SEPTIN3: variants seen among roughly 807,000 people sequenced by gnomAD.
The protein encoded by SEPTIN3 is septin 3.
A neutral mutation model predicts 45.1 loss-of-function variants in SEPTIN3; 15 were observed. That is an observed-to-expected ratio of 0.33 (90% CI 0.22 to 0.51). The LOEUF (loss-of-function observed/expected upper bound fraction) is 0.51, where lower values mean the gene tolerates loss of function less well. Among genes scored for constraint, SEPTIN3 ranks in the 20% least tolerant of loss-of-function variants. The pLI, the probability that SEPTIN3 is intolerant of heterozygous loss-of-function variation, is 0.97. For missense variants in SEPTIN3, 289 were observed against 457.2 expected, an observed-to-expected ratio of 0.63 and a Z score of 3.35; for synonymous variants, 148 against 164.8, an observed-to-expected ratio of 0.90 and a Z score of 0.78.
At position 41,994,047 on chromosome 22, in the gene SEPTIN3, C is replaced by T. The variant is rs2078374302; in HGVS notation, c.2360-243C>T. On this transcript the variant is annotated intron_variant, in intron 9 of 11. Transcript: ENST00000644076. This position sits in a 1 kb window ranked among gnomAD's most constrained non-coding sequence, Gnocchi z 4.2. ...CTATAAAATGGTAAAAATTATAGTC[C>T]CTCTTGGCTATTATGCCACAGCGTC... is the stretch of plus-strand genomic sequence containing the variant. 6.6e-6 allele frequency among the ~76,000 whole-genome samples: 1 copy of T among 152,028 alleles called. No individual in the cohort carries two copies. The highest frequency in any genetic ancestry group is 6.6e-5 in the Admixed American group (1 of 15,248).
intron 2 of SEPTIN3, among the ~76,000 whole-genome samples, chr22:41,974,854 C>CA (rs1192415157): frequency 6.5e-5 from 2 of 30,816 alleles, no homozygotes; most frequent in African/African-American, 1.4e-4. Flanking sequence ...GACTCTGTCT[C>CA]AAAAAGAAAA....
At chr22:41,982,005 C>G (rs2078129228) in intron 3 of SEPTIN3, 169 bp downstream of exon 3, 6 of 651,720 alleles carry the variant, frequency 9.2e-6, no homozygotes, top group Non-Finnish European at 7.9e-6. Context: ...CCCCTTAAGA[C>G]TAGCTGACCC....
chr22:41,991,109 G>A (rs947797547), intron 7 of SEPTIN3, among the ~76,000 whole-genome samples: 2 of 61,484 alleles, frequency 3.3e-5, no homozygotes, highest in East Asian at 2.2e-3. Context: ...TAATCAAATA[G>A]AAAATGAAGA....
chr22:41,993,679 G>A (rs2078364724), intron 9 of SEPTIN3, among the ~76,000 whole-genome samples: 1 of 151,540 alleles, frequency 6.6e-6, no homozygotes, highest in Non-Finnish European at 1.5e-5. Context: ...TTTTAATAGA[G>A]GTGGGGGTCT....
rs751105662 is a variant in SEPTIN3, at chr22:41,992,638, C to G, written c.2260-26C>G. ...TTGGAGGATGACGGTGCACATGTGT[C>G]TGGTTTGTGTTTCTGCCCCGTGCAG... On this transcript the variant is annotated intron_variant, in intron 8 of 11. Transcript: ENST00000644076. 7.3e-6 allele frequency: 11 copies of G among 1,506,352 alleles called. No homozygotes were observed. In the East Asian group the frequency reaches 2.5e-4, roughly 35 times the overall value. The allele number at this position is 1,506,352 out of a possible 1,614,324, so 93.3% of individuals were successfully genotyped here. A position where few individuals can be genotyped will look rare whatever the true frequency, so the allele number is the denominator to read the frequency against.
rs1428504066 is a variant in SEPTIN3 at position 41,994,052 on chromosome 22, TG to T, written c.2360-236del. Among the ~76,000 whole-genome samples the T allele has an allele frequency of 6.6e-6, 1 of 152,234 alleles. No homozygotes were observed. The highest frequency in any genetic ancestry group is 1.5e-5 in the Non-Finnish European group (1 of 68,044). The stretch of plus-strand genomic sequence containing the variant: ...AAATGGTAAAAATTATAGTCCCTCT[TG>T]GCTATTATGCCACAGCGTCTAGAAG... On this transcript the variant is annotated intron_variant, in intron 9 of 11. Coordinates refer to ENST00000644076, the MANE Select transcript of SEPTIN3 (RefSeq NM_001363845.2). This position sits in a 1 kb window ranked among gnomAD's most constrained non-coding sequence, Gnocchi z 4.2.
In SEPTIN3 at chr22:41,971,568, C is replaced by CAT. The variant is rs986373629; in HGVS notation, c.78_79dup (p.Ser27IlefsTer68). On this transcript the variant is annotated frameshift_variant, in exon 2 of 12. Coordinates refer to ENST00000644076, the MANE Select transcript of SEPTIN3 (RefSeq NM_001363845.2). LOFTEE classifies it high-confidence loss of function. ...TCCAGGCCCGGGAACCTCCTTCTCC[C>CAT]ATAGCCATGTGCTGGGGCGCCCTAT... 1 of 399,134 alleles carries CAT rather than the reference C, an allele frequency of 2.5e-6. No homozygotes were observed. The highest frequency in any genetic ancestry group is 2.1e-5 in the African/African-American group (1 of 48,634). The allele number at this position is 399,134 out of a possible 1,614,324, so 24.7% of individuals were successfully genotyped here. A position where few individuals can be genotyped will look rare whatever the true frequency, so the allele number is the denominator to read the frequency against.
intron 4 of SEPTIN3, among the ~76,000 whole-genome samples, chr22:41,986,512 T>C (rs1405821678): frequency 6.6e-6 from 1 of 151,952 alleles, no homozygotes; most frequent in African/African-American, 2.4e-5. Context: ...TGTTGTTTGT[T>C]TTTTTGAGAC....
At chr22:41,981,876 G>A in intron 3 of SEPTIN3, 40 bp downstream of exon 3, 1 of 1,570,644 alleles carries the variant, frequency 6.4e-7, no homozygotes, top group Non-Finnish European at 8.7e-7. Context: ...CTGGTGGCGG[G>A]CAGCACCAAG....
intron 6 of SEPTIN3, 91 bp downstream of exon 6, chr22:41,987,850 C>G: frequency 7.2e-7 from 1 of 1,388,830 alleles, no homozygotes; most frequent in East Asian, 2.3e-5. Flanking sequence ...GTTGACTCAG[C>G]TAGGCCTCCC....
chr22:41,985,020 T>G (rs183433987), intron 3 of SEPTIN3, among the ~76,000 whole-genome samples: 1 of 152,014 alleles, frequency 6.6e-6, no homozygotes, highest in Non-Finnish European at 1.5e-5. Flanking sequence ...GCCGGGCTAA[T>G]TTTTTGTATT....
chr22:41,973,533 C>T (rs367914964), intron 2 of SEPTIN3, among the ~76,000 whole-genome samples: 2 of 147,750 alleles, frequency 1.4e-5, no homozygotes, highest in African/African-American at 2.5e-5. Flanking sequence ...ATTAGCCGGA[C>T]GTGGTGGCGG....
intron 2 of SEPTIN3, among the ~76,000 whole-genome samples, chr22:41,978,449 TC>T (rs35264031): frequency 6.6e-6 from 1 of 152,130 alleles, no homozygotes; most frequent in African/African-American, 2.4e-5. Context: ...GTAGGTTCTA[TC>T]CCCAGTTGTC....
At chr22:41,985,585 C>A (rs1602416628) in intron 3 of SEPTIN3, 2 of 175,710 alleles carry the variant, frequency 1.1e-5, no homozygotes, top group East Asian at 3.2e-4. Flanking sequence ...TGTGAATGTA[C>A]AATATGCACT....
chr22:41,977,019 C>T (rs2078037426), intron 2 of SEPTIN3: 2 of 1,585,438 alleles, frequency 1.3e-6, no homozygotes, highest in African/African-American at 1.4e-5. Context: ...CTTGCAGCCC[C>T]GCGCCCGGAG....
At chr22:41,979,691 G>A (rs1376858607) in intron 2 of SEPTIN3, among the ~76,000 whole-genome samples, 3 of 152,248 alleles carry the variant, frequency 2.0e-5, no homozygotes, top group Admixed American at 2.0e-4. Context: ...AGGCCCTGGG[G>A]AGGTCCTGAG....
intron 1 of SEPTIN3, among the ~76,000 whole-genome samples, chr22:41,970,002 T>C (rs2077942932): frequency 6.6e-6 from 1 of 151,860 alleles, no homozygotes; most frequent in South Asian, 2.1e-4. Flanking sequence ...GATACAAATA[T>C]ATGGCTGGAG....
chr22:41,996,147 C>G (rs1190683511), intron 11 of SEPTIN3: 1 of 985,176 alleles, frequency 1.0e-6, no homozygotes, highest in East Asian at 1.1e-4. Flanking sequence ...CTCCTCCTGA[C>G]TCCTGTAGAC....
rs1162161580 is a variant in SEPTIN3 at position 41,986,106 on chromosome 22, G to A, written c.1819G>A (p.Gly607Arg). The A allele has an allele frequency of 3.1e-6, 5 of 1,612,754 alleles. No homozygotes were observed. The highest frequency in any genetic ancestry group is 4.2e-6 in the Non-Finnish European group (5 of 1,179,430). Residue 607 changes from glycine (G) to arginine (R), a missense_variant, in exon 4 of 12, where the codon GGG becomes AGG. Physicochemically the swap from Gly to Arg is moderately radical, Grantham distance 125. Coordinates refer to ENST00000644076, the MANE Select transcript of SEPTIN3 (RefSeq NM_001363845.2). ...CAAGACAGTGGAGATCAAAGCTATC[G>A]GGCATGGTGAGGACCAGGCAGGGAC... ...IPKTVEIKAI[G>R]HVIEEGGVKM...
Sources: allele counts gnomAD v4.1 joint callset (sites outside exome capture counted in the v4.1 genomes callset), GRCh38; gene constraint gnomAD v4.1.1; non-coding constraint Gnocchi (gnomAD v3.1); transcripts MANE v1.5; gene names NCBI Gene and HGNC (gene_info 2026-07-23, HGNC 2026-07-21).